The following SLC13A5 variants were observed in gnomAD, a reference collection of about 807,000 sequenced individuals.
SLC13A5 encodes the protein solute carrier family 13 member 5.
In SLC13A5, 25 loss-of-function variants were observed where a neutral mutation model predicts 56.5. The ratio of observed to expected loss-of-function variants is 0.44; its 90% CI spans 0.32 to 0.62. The LOEUF (loss-of-function observed/expected upper bound fraction) is 0.62, where lower values mean the gene tolerates loss of function less well. Among genes scored for constraint, SLC13A5 ranks in the 20% least tolerant of loss-of-function variants. The pLI is 0.04. For synonymous variants in SLC13A5, 307 were observed against 301.5 expected (o/e 1.02, Z -0.19); for missense variants, 649 against 737.8 (o/e 0.88, Z 1.39).
rs1974048469 is a variant in SLC13A5 at position 6,711,844 on chromosome 17, T to C, written c.102+1388A>G. Among the ~76,000 whole-genome samples the C allele has an allele frequency of 6.6e-6, 1 of 152,084 alleles. No homozygotes were observed. Among genetic ancestry groups the C allele is most frequent in the African/African-American group, 2.4e-5 (1 of 41,410 alleles). The stretch of plus-strand genomic sequence containing the variant: ...AGCTCTCCTGCCTGGCTACTTCCCC[T>C]GGACAATAACAACCCCAGACTTCTT... On this transcript the variant is annotated intron_variant, in intron 1 of 11. Transcript: ENST00000433363. The surrounding 1 kb of genome is among the most constrained non-coding windows in gnomAD (Gnocchi z 4.0).
intron 10 of SLC13A5, chr17:6,689,757 A>T (rs1420226241): frequency 6.6e-6 from 1 of 152,140 alleles, no homozygotes; most frequent in African/African-American, 2.4e-5. Flanking sequence ...CTTTTTATAC[A>T]TGCAGACGCC....
Position 6,686,164 on chromosome 17 carries a change from C to G in SLC13A5, c.*43G>C, listed in dbSNP as rs1455907491. 1.2e-6 allele frequency: 2 copies of G among 1,612,782 alleles called. No individual in the cohort carries two copies. Among genetic ancestry groups the G allele is most frequent in the Non-Finnish European group, 1.7e-6 (2 of 1,179,316 alleles). On this transcript the variant is annotated 3_prime_UTR_variant, in exon 12 of 12. Transcript: ENST00000433363. ...AAGGTGTGCCAGAAGGTTCGGTAGT[C>G]CTGAGGAGGGTAAGGGCTGTGTGTG...
rs751124318 is a variant in SLC13A5, at chr17:6,713,110, C to T, written c.102+122G>A. 40 of 978,574 alleles carry T rather than the reference C, an allele frequency of 4.1e-5. No homozygotes were observed. The Admixed American group carries it at 8.7e-4, about 21-fold the overall frequency. The allele number at this position is 978,574 out of a possible 1,614,324, so 60.6% of individuals were successfully genotyped here. On this transcript the variant is annotated intron_variant, in intron 1 of 11. Coordinates refer to ENST00000433363, the MANE Select transcript of SLC13A5 (RefSeq NM_177550.5). This position sits in a 1 kb window ranked among gnomAD's most constrained non-coding sequence, Gnocchi z 7.3. ...CACCTGGAGCTCCTGAGTGCGCGCG[C>T]CCCGGGAGAGCTGTGCTCCCCGCGA...
rs139042926 is a variant in SLC13A5, at chr17:6,693,071, G to C, written c.1248C>G (p.Gly416=). The change falls in exon 9 of 12, where the codon GGC becomes GGG. Residue 416 remains glycine, a synonymous_variant. Coordinates refer to ENST00000433363, the MANE Select transcript of SLC13A5 (RefSeq NM_177550.5). The part of the protein sequence containing the change: ...VPWGIVLLLG[G]GFALAKGSEA... The stretch of plus-strand genomic sequence containing the variant: ...CGGATCCTTTAGCCAGAGCAAATCC[G>C]CCCCCTAGTAGCAGCACGATGCCCC... 1 of 1,614,000 alleles carries C rather than the reference G, an allele frequency of 6.2e-7. No individual in the cohort carries two copies. The highest frequency in any genetic ancestry group is 8.5e-7 in the Non-Finnish European group (1 of 1,179,962).
In SLC13A5 at chr17:6,687,980, ATGTCTGTC is replaced by A. The variant is rs758176181; in HGVS notation, c.1438-322_1438-315del. 2 of 204,882 alleles carry A rather than the reference ATGTCTGTC, an allele frequency of 9.8e-6. No homozygotes were observed. The highest frequency in any genetic ancestry group is 1.9e-5 in the Non-Finnish European group (2 of 103,164). The allele number at this position is 204,882 out of a possible 1,614,324, so 12.7% of individuals were successfully genotyped here. A position where few individuals can be genotyped will look rare whatever the true frequency, so the allele number is the denominator to read the frequency against. On this transcript the variant is annotated intron_variant, in intron 10 of 11. Coordinates refer to ENST00000433363, the MANE Select transcript of SLC13A5 (RefSeq NM_177550.5). This position sits in a 1 kb window ranked among gnomAD's most constrained non-coding sequence, Gnocchi z 5.0. ...CTCAACCTTACAGTGCCGCGTGCAC[ATGTCTGTC>A]TGTCTTGCCACAGACTGAGAGAGCC...
chr17:6,709,573 T>G (rs1262091302), intron 1 of SLC13A5, among the ~76,000 whole-genome samples: 4 of 152,174 alleles, frequency 2.6e-5, no homozygotes, highest in African/African-American at 9.7e-5. Context: ...CGGCCATCTT[T>G]GCAAATGTTT....
At chr17:6,706,954 G>A (rs935813684) in intron 2 of SLC13A5, 74 bp downstream of exon 2, 29 of 1,597,188 alleles carry the variant, frequency 1.8e-5, no homozygotes, top group East Asian at 1.6e-4. Context: ...AGGCCTGTGC[G>A]ACTCACAGTG....
chr17:6,711,542 T>G lies in SLC13A5; in HGVS notation c.102+1690A>C, dbSNP rs1974027631. ...TGTGTGTTTGTGTTTTTTGTGTGTT[T>G]TGTGTGTGTGTTTGTGTGTGTGTTT... On this transcript the variant is annotated intron_variant, in intron 1 of 11. Coordinates refer to ENST00000433363, the MANE Select transcript of SLC13A5 (RefSeq NM_177550.5). The surrounding 1 kb of genome is among the most constrained non-coding windows in gnomAD (Gnocchi z 4.0). Among the ~76,000 whole-genome samples, 1 of 107,474 alleles carries G rather than the reference T, an allele frequency of 9.3e-6. No homozygotes were observed. The highest frequency in any genetic ancestry group is 2.0e-5 in the Non-Finnish European group (1 of 49,094). The allele number at this position is 107,474 out of a possible 152,430, so 70.5% of individuals were successfully genotyped here. A position where few individuals can be genotyped will look rare whatever the true frequency, so the allele number is the denominator to read the frequency against.
Position 6,692,123 on chromosome 17 carries a change from A to AGACG in SLC13A5, c.1275+920_1275+921insCGTC, listed in dbSNP as rs1555541121. ...AGGAATGTTGGATGGATGGATGGAT[A>AGACG]GATGGATGGATGGATGGATGGATGG... On this transcript the variant is annotated intron_variant, in intron 9 of 11. Transcript: ENST00000433363. This position sits in a 1 kb window ranked among gnomAD's most constrained non-coding sequence, Gnocchi z 5.5. 2.8e-5 allele frequency among the ~76,000 whole-genome samples: 4 copies of AGACG among 143,954 alleles called. No individual in the cohort carries two copies. Among genetic ancestry groups the AGACG allele is most frequent in the Non-Finnish European group, 6.1e-5 (4 of 66,044 alleles). The allele number at this position is 143,954 out of a possible 152,430, so 94.4% of individuals were successfully genotyped here. A position where few individuals can be genotyped will look rare whatever the true frequency, so the allele number is the denominator to read the frequency against.
chr17:6,686,469 ACCCC>A, intron 11 of SLC13A5, 131 bp from the exon 12 acceptor site: 1 of 1,153,268 alleles, frequency 8.7e-7, no homozygotes, highest in African/African-American at 1.5e-5. Flanking sequence ...GGGTGTCCCG[ACCCC>A]CAGGACAGTG....
chr17:6,693,037 A>T lies in SLC13A5; in HGVS notation c.1275+7T>A. 1 of 1,612,102 alleles carries T rather than the reference A, an allele frequency of 6.2e-7. No homozygotes were observed. Among genetic ancestry groups the T allele is most frequent in the Non-Finnish European group, 8.5e-7 (1 of 1,178,176 alleles). On this transcript the variant is annotated splice_region_variant and intron_variant, in intron 9 of 11. Transcript: ENST00000433363. ...GGCTCTGGGCAGCCTGTGGCTGGAGAAGTTACCTCGGATCCTTTAGCCAGA... is the reference window on the plus strand; with the variant it reads ...GGCTCTGGGCAGCCTGTGGCTGGAGTAGTTACCTCGGATCCTTTAGCCAGA...
chr17:6,694,410 A>G (rs1973503478), intron 7 of SLC13A5, among the ~76,000 whole-genome samples: 1 of 152,132 alleles, frequency 6.6e-6, no homozygotes, highest in African/African-American at 2.4e-5. Context: ...CGAGGTCAGG[A>G]GTTCAAGACC....
At position 6,690,940 on chromosome 17, in the gene SLC13A5, C is replaced by A; in HGVS notation, c.1276G>T (p.Ala426Ser). ...CCCATCCACACGGACAGCCCCGAGG[C>A]CTGGGAAGCACCAGGAGGGCAGTCA... ...GGFALAKGSE[A>S]SGLSVWMGKQ... The change falls in exon 10 of 12, where the codon GCC (alanine) becomes TCC (serine). Residue 426 changes from alanine to serine, a missense_variant and splice_region_variant. Transcript: ENST00000433363. 6.2e-7 allele frequency: 1 copy of A among 1,601,260 alleles called. No individual in the cohort carries two copies. The highest frequency in any genetic ancestry group is 8.5e-7 in the Non-Finnish European group (1 of 1,172,068).
intron 10 of SLC13A5, chr17:6,689,096 A>T (rs924796137): frequency 6.6e-6 from 1 of 152,194 alleles, no homozygotes; most frequent in African/African-American, 2.4e-5. Flanking sequence ...GTTGGTAGGC[A>T]TCTCTGATTA....
intron 7 of SLC13A5, among the ~76,000 whole-genome samples, chr17:6,694,829 C>T (rs944336670): frequency 1.3e-5 from 2 of 152,140 alleles, no homozygotes; most frequent in African/African-American, 2.4e-5. Context: ...TGGTGCTGAC[C>T]TAAGCCGACC....
At chr17:6,699,044 AAAATAAATAAATAAATAAATAAAT>A (rs201152183) in intron 6 of SLC13A5, among the ~76,000 whole-genome samples, 1 of 138,164 alleles carries the variant, frequency 7.2e-6, no homozygotes, top group Admixed American at 7.4e-5. Context: ...CACTGTCTCA[AAAATAAATAAATAAATAAATAAAT>A]AAATAAATAA....
intron 6 of SLC13A5, among the ~76,000 whole-genome samples, chr17:6,699,059 A>ATAAATAAATAAT (rs1973636100): frequency 7.3e-6 from 1 of 137,374 alleles, no homozygotes; most frequent in African/African-American, 2.8e-5. Context: ...AAATAAATAA[A>ATAAATAAATAAT]TAAATAAATA....
Position 6,713,081 on chromosome 17 carries a change from C to A in SLC13A5, c.102+151G>T. ...AGATTCTTTACAGGGCACCTCCCAT[C>A]CGGCACCTGGAGCTCCTGAGTGCGC... On this transcript the variant is annotated intron_variant, in intron 1 of 11. Transcript: ENST00000433363. The surrounding 1 kb of genome is among the most constrained non-coding windows in gnomAD (Gnocchi z 7.3). 9.7e-6 allele frequency: 7 copies of A among 725,374 alleles called. No homozygotes were observed. Among genetic ancestry groups the A allele is most frequent in the Non-Finnish European group, 1.6e-5 (7 of 436,464 alleles). 44.9% of individuals were successfully genotyped at this position (725,374 alleles called of 1,614,324 possible).
chr17:6,690,663 G>T (rs1973381268), intron 10 of SLC13A5, 116 bp downstream of exon 10: 5 of 1,412,126 alleles, frequency 3.5e-6, no homozygotes, highest in Non-Finnish European at 5.0e-6. Flanking sequence ...TCAGACCTGG[G>T]TCTCCAAAGC....
Sources: allele counts gnomAD v4.1 joint callset (sites outside exome capture counted in the v4.1 genomes callset), GRCh38; gene constraint gnomAD v4.1.1; non-coding constraint Gnocchi (gnomAD v3.1); transcripts MANE v1.5; gene names NCBI Gene and HGNC (gene_info 2026-07-23, HGNC 2026-07-21).